The following SCN11A variants were observed in gnomAD, a reference collection of about 807,000 sequenced individuals.
SCN11A encodes the protein sodium voltage-gated channel alpha subunit 11, also known as sodium channel protein type 11 subunit alpha.
A neutral mutation model predicts 162.2 loss-of-function variants in SCN11A; 122 were observed. The observed-to-expected ratio is 0.75, with a 90% CI of 0.65 to 0.87. SCN11A has a LOEUF of 0.87. Among genes scored for constraint, SCN11A ranks in the 40% least tolerant of loss-of-function variants. SCN11A has a pLI of 0.00. For missense variants in SCN11A, 2,015 were observed against 2,181.6 expected (o/e 0.92, Z 1.52); for synonymous variants, 758 against 751.5 (o/e 1.01, Z -0.14).
intron 28 of SCN11A, among the ~76,000 whole-genome samples, chr3:38,856,293 C>A (rs927898431): frequency 4.6e-5 from 7 of 152,176 alleles, no homozygotes; most frequent in Admixed American, 2.6e-4. Context: ...CTATAGACAG[C>A]CTGTCTGGAA....
chr3:38,882,355 T>G (rs1354297984), intron 22 of SCN11A, among the ~76,000 whole-genome samples: 2 of 152,192 alleles, frequency 1.3e-5, no homozygotes, highest in Non-Finnish European at 2.9e-5. Context: ...TCTGTCACTC[T>G]TAGCAGGGGA....
At chr3:38,939,178 A>G (rs919301991) in intron 7 of SCN11A, among the ~76,000 whole-genome samples, 7 of 152,124 alleles carry the variant, frequency 4.6e-5, no homozygotes, top group African/African-American at 1.7e-4. Context: ...GTCTCAAAAA[A>G]TACTAATAAA....
intron 17 of SCN11A, among the ~76,000 whole-genome samples, chr3:38,898,290 T>C (rs2065639789): frequency 6.6e-6 from 1 of 152,210 alleles, no homozygotes; most frequent in African/African-American, 2.4e-5. Flanking sequence ...ATTAAAATCA[T>C]ATGAAGTTCA....
At chr3:39,037,810 T>G (rs1008766376) in intron 1 of SCN11A, among the ~76,000 whole-genome samples, 2 of 152,088 alleles carry the variant, frequency 1.3e-5, no homozygotes, top group African/African-American at 4.8e-5. Flanking sequence ...GAAATGAGAA[T>G]GGGAGCCGAA....
At chr3:38,949,011 G>T (rs1173887982) in intron 5 of SCN11A, among the ~76,000 whole-genome samples, 1 of 152,126 alleles carries the variant, frequency 6.6e-6, no homozygotes, top group African/African-American at 2.4e-5. Context: ...TGTATATGTG[G>T]TCCTCATTTG....
chr3:39,023,808 A>G (rs1470018911), intron 2 of SCN11A, among the ~76,000 whole-genome samples: 3 of 152,006 alleles, frequency 2.0e-5, no homozygotes, highest in Non-Finnish European at 4.4e-5. Flanking sequence ...ACGCCTGGCT[A>G]ATTTTTGTAT....
At chr3:38,911,564 C>G (rs901428569) in intron 11 of SCN11A, among the ~76,000 whole-genome samples, 1 of 152,136 alleles carries the variant, frequency 6.6e-6, no homozygotes, top group African/African-American at 2.4e-5. Flanking sequence ...GGTAAATTCT[C>G]TGCATCATTT....
intron 7 of SCN11A, among the ~76,000 whole-genome samples, chr3:38,937,004 G>A (rs1488270836): frequency 2.2e-4 from 33 of 152,114 alleles, no homozygotes; most frequent in African/African-American, 7.7e-4. Flanking sequence ...AAACAGCATG[G>A]TACTGGTACC....
At chr3:38,951,368 G>A (rs941755364) in intron 4 of SCN11A, among the ~76,000 whole-genome samples, 9 of 152,248 alleles carry the variant, frequency 5.9e-5, no homozygotes, top group Middle Eastern at 3.2e-3. Flanking sequence ...ATTTCTCACC[G>A]GGCCTTAGCT....
At chr3:38,915,668 G>A (rs2065950100) in intron 11 of SCN11A, among the ~76,000 whole-genome samples, 1 of 152,058 alleles carries the variant, frequency 6.6e-6, no homozygotes, top group East Asian at 1.9e-4. Context: ...CCGAGAGTGT[G>A]TTTGGTAAAA....
intron 19 of SCN11A, among the ~76,000 whole-genome samples, chr3:38,888,249 A>G (rs1400660009): frequency 2.6e-5 from 4 of 152,240 alleles, no homozygotes; most frequent in Non-Finnish European, 5.9e-5. Flanking sequence ...GGGCAAAAGT[A>G]CCCACTGGTT....
chr3:39,045,493 A>T (rs902399679), intron 1 of SCN11A, among the ~76,000 whole-genome samples: 1 of 152,258 alleles, frequency 6.6e-6, no homozygotes, highest in Non-Finnish European at 1.5e-5. Context: ...CAACATATGC[A>T]AATCAATAAA....
At chr3:38,949,803 C>A (rs1168952845) in intron 5 of SCN11A, among the ~76,000 whole-genome samples, 1 of 152,214 alleles carries the variant, frequency 6.6e-6, no homozygotes, top group Non-Finnish European at 1.5e-5. Context: ...TCTGGGACTA[C>A]TAGTCCAGTC....
At chr3:38,889,863 AAAAT>A (rs1389792597) in intron 19 of SCN11A, among the ~76,000 whole-genome samples, 3 of 142,646 alleles carry the variant, frequency 2.1e-5, no homozygotes, top group Admixed American at 6.9e-5. Context: ...AAAATAAAAT[AAAAT>A]AAAGAAATAA....
At chr3:38,904,918 T>C (rs1175357819) in intron 15 of SCN11A, among the ~76,000 whole-genome samples, 2 of 152,226 alleles carry the variant, frequency 1.3e-5, no homozygotes, top group Non-Finnish European at 2.9e-5. Flanking sequence ...GCCCTGTTTA[T>C]GCATTTTGTC....
At chr3:38,855,727 G>A (rs1417105983) in intron 28 of SCN11A, among the ~76,000 whole-genome samples, 1 of 152,096 alleles carries the variant, frequency 6.6e-6, no homozygotes, top group Non-Finnish European at 1.5e-5. Context: ...CTGTCCACGT[G>A]ACAACTTCAC....
intron 2 of SCN11A, among the ~76,000 whole-genome samples, chr3:39,001,297 C>T (rs1184660007): frequency 2.0e-5 from 3 of 152,182 alleles, no homozygotes; most frequent in Non-Finnish European, 2.9e-5. Flanking sequence ...CTCTCCAGTC[C>T]CCAGCCCTTG....
chr3:38,880,259 T>C, intron 22 of SCN11A, 136 bp from the exon 23 acceptor site: 2 of 614,538 alleles, frequency 3.3e-6, no homozygotes, highest in Admixed American at 3.2e-5. Flanking sequence ...GCTCAAAAGA[T>C]ATTAAGGCTA....
chr3:38,935,788 G>A (rs1397590306), intron 7 of SCN11A, among the ~76,000 whole-genome samples: 1 of 152,158 alleles, frequency 6.6e-6, no homozygotes, highest in Admixed American at 6.5e-5. Context: ...TTCTACCAGA[G>A]GTACAAGGAG....
Sources: allele counts gnomAD v4.1 joint callset (sites outside exome capture counted in the v4.1 genomes callset), GRCh38; gene constraint gnomAD v4.1.1; transcripts MANE v1.5; gene names NCBI Gene and HGNC (gene_info 2026-07-23, HGNC 2026-07-21).